Variants in ANO3 observed in about 807,000 individuals in gnomAD.
The protein encoded by ANO3 is anoctamin-3.
A neutral mutation model predicts 144.8 loss-of-function variants in ANO3; 99 were observed. The observed-to-expected ratio is 0.68, with a 90% CI of 0.58 to 0.81. The LOEUF (loss-of-function observed/expected upper bound fraction) is 0.81, where lower values mean the gene tolerates loss of function less well. Ranked by LOEUF, ANO3 falls within the 30% of genes least tolerant of loss-of-function variation. The pLI, the probability that ANO3 is intolerant of heterozygous loss-of-function variation, is 0.00. For synonymous variants in ANO3, 414 were observed against 392.6 expected, an observed-to-expected ratio of 1.05 and a Z score of -0.64; for missense variants, 905 against 1,202.2, an observed-to-expected ratio of 0.75 and a Z score of 3.66.
intron 1 of ANO3, among the ~76,000 whole-genome samples, chr11:26,400,775 G>A (rs914569451): frequency 6.6e-6 from 1 of 151,256 alleles, no homozygotes; most frequent in East Asian, 2.0e-4. Context: ...TAGTAAGGAG[G>A]AAGTTGGGAA....
intron 1 of ANO3, among the ~76,000 whole-genome samples, chr11:26,353,692 C>A (rs1327387452): frequency 1.3e-5 from 2 of 152,188 alleles, no homozygotes; most frequent in Non-Finnish European, 1.5e-5. Context: ...CCTCAGCCCC[C>A]CGAGTAGCTG....
chr11:26,425,070 C>CTTCCTGTGTCCTT, intron 1 of ANO3, among the ~76,000 whole-genome samples: 1 of 151,740 alleles, frequency 6.6e-6, no homozygotes, highest in South Asian at 2.1e-4. Context: ...TGTGATGTTC[C>CTTCCTGTGTCCTT]CCTTCCTGTG....
intron 1 of ANO3, among the ~76,000 whole-genome samples, chr11:26,366,922 G>A (rs570441581): frequency 1.3e-3 from 203 of 152,120 alleles, no homozygotes; most frequent in African/African-American, 4.7e-3. Flanking sequence ...TAGACCAATG[G>A]AACAGAACAG....
rs970433796 is a variant in ANO3 at position 26,400,111 on chromosome 11, TTTG to T, written c.47-41804_47-41802del. Among the ~76,000 whole-genome samples, 4 of 128,820 alleles carry T rather than the reference TTTG, an allele frequency of 3.1e-5. No homozygotes were observed. In the East Asian group the frequency reaches 7.3e-4, roughly 24 times the overall value. The allele number at this position is 128,820 out of a possible 152,430, so 84.5% of individuals were successfully genotyped here. A position where few individuals can be genotyped will look rare whatever the true frequency, so the allele number is the denominator to read the frequency against. On this transcript the variant is annotated intron_variant, in intron 1 of 26. Coordinates refer to ENST00000256737, the MANE Select transcript of ANO3 (RefSeq NM_031418.4). ...TGTACAAAGCAAAGTTTTTTTTGTTTTTGTTTTTGTTGTTTTGTTTTGTTTTGC... is the reference window on the plus strand; with the variant it reads ...TGTACAAAGCAAAGTTTTTTTTGTTTTTTTTGTTGTTTTGTTTTGTTTTGC...
At chr11:26,259,578 T>TG (rs2133826083) in intron 1 of ANO3, among the ~76,000 whole-genome samples, 1 of 1,590 alleles carries the variant, frequency 6.3e-4, no homozygotes, top group East Asian at 0.023. Context: ...AACGTGGGGG[T>TG]GGGGGTGGGG....
intron 4 of ANO3, chr11:26,473,976 G>A (rs1859871542): frequency 1.0e-6 from 1 of 985,168 alleles, no homozygotes; most frequent in Non-Finnish European, 1.2e-6. Context: ...GTAGCACTCA[G>A]TATGTAACAT....
intron 1 of ANO3, among the ~76,000 whole-genome samples, chr11:26,294,727 C>G (rs1168117946): frequency 6.6e-6 from 1 of 152,164 alleles, no homozygotes; most frequent in Admixed American, 6.5e-5. Context: ...TGATTTTTAT[C>G]ATTCTTCTTT....
At chr11:26,339,532 T>TA (rs1333428664) in intron 1 of ANO3, among the ~76,000 whole-genome samples, 31 of 152,290 alleles carry the variant, frequency 2.0e-4, no homozygotes, top group Admixed American at 7.8e-4. Flanking sequence ...ATGAAACACT[T>TA]AAACAGCTGA....
chr11:26,304,962 T>C (rs1854341279), upstream of ANO3, among the ~76,000 whole-genome samples: 1 of 152,146 alleles, frequency 6.6e-6, no homozygotes, highest in African/African-American at 2.4e-5. Flanking sequence ...TTGAAGAAGA[T>C]TTGATAATAA....
At chr11:26,575,858 C>T (rs1198491982) in intron 14 of ANO3, among the ~76,000 whole-genome samples, 2 of 152,012 alleles carry the variant, frequency 1.3e-5, no homozygotes, top group Non-Finnish European at 2.9e-5. Flanking sequence ...ACATAGTGTC[C>T]ACTATATCTT....
rs927203738 is a variant in ANO3 at position 26,357,730 on chromosome 11, T to C, written c.46+25409T>C. On this transcript the variant is annotated intron_variant, in intron 1 of 26. Coordinates refer to ENST00000256737, the MANE Select transcript of ANO3 (RefSeq NM_031418.4). ...ATTTTTTCTTTTCTTTTATGGATCA[T>C]TGATTTGTATTAAAATATATTTTTA... is the stretch of plus-strand genomic sequence containing the variant. Among the ~76,000 whole-genome samples, 6 of 152,162 alleles carry C rather than the reference T, an allele frequency of 3.9e-5. No homozygotes were observed. In the East Asian group the frequency reaches 1.2e-3, roughly 29 times the overall value.
chr11:26,213,656 T>C (rs1345052371), intron 1 of ANO3, among the ~76,000 whole-genome samples: 2 of 152,130 alleles, frequency 1.3e-5, no homozygotes, highest in Admixed American at 6.6e-5. Context: ...AGACATTCAA[T>C]GTTCATGGAT....
chr11:26,486,339 C>T (rs1484930493), intron 4 of ANO3, among the ~76,000 whole-genome samples: 15 of 125,222 alleles, frequency 1.2e-4, no homozygotes, highest in East Asian at 2.2e-4. Context: ...CCAGTCTGGG[C>T]GACAGAGTGA....
At chr11:26,264,601 T>C (rs1853266065) in intron 1 of ANO3, among the ~76,000 whole-genome samples, 1 of 152,198 alleles carries the variant, frequency 6.6e-6, no homozygotes, top group South Asian at 2.1e-4. Flanking sequence ...CATAATGAAG[T>C]ACAACAGTCT....
At chr11:26,591,344 A>G (rs1184883985) in intron 14 of ANO3, among the ~76,000 whole-genome samples, 3 of 152,150 alleles carry the variant, frequency 2.0e-5, no homozygotes, top group African/African-American at 7.2e-5. Flanking sequence ...CTTTGATGTC[A>G]TTAACATCAG....
At chr11:26,299,567 G>A (rs753304606) in intron 1 of ANO3, among the ~76,000 whole-genome samples, 10 of 152,026 alleles carry the variant, frequency 6.6e-5, no homozygotes, top group Non-Finnish European at 1.5e-4. Flanking sequence ...TCTTTTTAGG[G>A]ATTAGAAGAC....
upstream of ANO3, among the ~76,000 whole-genome samples, chr11:26,331,144 C>A (rs1162100058): frequency 2.6e-5 from 4 of 152,152 alleles, no homozygotes; most frequent in South Asian, 8.3e-4. Context: ...TGAGAACACA[C>A]GGACACAATG....
At chr11:26,514,173 A>C (rs11601945) in intron 5 of ANO3, among the ~76,000 whole-genome samples, 2,681 of 152,146 alleles carry the variant, frequency 0.018, 51 homozygotes, top group South Asian at 0.048. Context: ...ACTGTACTTC[A>C]GAGTTCTTCC....
chr11:26,516,424 A>G (rs1011434922), intron 5 of ANO3, among the ~76,000 whole-genome samples: 2 of 151,860 alleles, frequency 1.3e-5, no homozygotes, highest in African/African-American at 4.8e-5. Context: ...TAGAAAAATT[A>G]GTGAACTAGT....
Sources: gnomAD v4.1 joint callset for allele counts (sites outside exome capture counted in the v4.1 genomes callset) on GRCh38, gnomAD v4.1.1 for gene constraint, MANE v1.5 for transcripts, NCBI Gene and HGNC (gene_info 2026-07-23, HGNC 2026-07-21) for gene names.